Variants in EFNA5 observed in about 807,000 individuals in gnomAD.
EFNA5 encodes the protein ephrin-A5.
Under a neutral mutation model 22.9 loss-of-function variants are expected in EFNA5, and 5 were observed. The ratio of observed to expected loss-of-function variants is 0.22; its 90% CI spans 0.11 to 0.46. The LOEUF (loss-of-function observed/expected upper bound fraction) is 0.46. Among genes scored for constraint, EFNA5 ranks in the 20% least tolerant of loss-of-function variants. EFNA5 has a pLI of 0.99. For synonymous variants in EFNA5, 113 were observed against 112.2 expected (o/e 1.01, Z -0.04); for missense variants, 237 against 293.3 (o/e 0.81, Z 1.40).
intron 1 of EFNA5, among the ~76,000 whole-genome samples, chr5:107,440,285 C>T (rs1438837011): frequency 6.6e-6 from 1 of 152,138 alleles, no homozygotes; most frequent in Non-Finnish European, 1.5e-5. Flanking sequence ...TCAAGTACTA[C>T]AATATTTCTA....
intron 1 of EFNA5, among the ~76,000 whole-genome samples, chr5:107,653,592 T>A (rs1750774983): frequency 6.6e-6 from 1 of 151,764 alleles, no homozygotes; most frequent in Admixed American, 6.6e-5. Flanking sequence ...ACAGGGGGAG[T>A]CCCCAGAGGT....
At chr5:107,414,902 A>G (rs1413229519) in intron 2 of EFNA5, among the ~76,000 whole-genome samples, 1 of 152,172 alleles carries the variant, frequency 6.6e-6, no homozygotes, top group Non-Finnish European at 1.5e-5. Flanking sequence ...ACTCAAGTAA[A>G]GGATATTAAT....
intron 1 of EFNA5, among the ~76,000 whole-genome samples, chr5:107,542,192 A>G (rs1262304221): frequency 6.6e-6 from 1 of 152,192 alleles, no homozygotes; most frequent in Non-Finnish European, 1.5e-5. Context: ...TCTAATTTTA[A>G]AGTTCTCAGG....
rs113717483 is a variant in EFNA5, at chr5:107,509,317, CT to C, written c.126-81809del. Among the ~76,000 whole-genome samples, 287 of 143,656 alleles carry C rather than the reference CT, an allele frequency of 2.0e-3. 2 individuals are homozygous for C. The highest frequency in any genetic ancestry group is 7.0e-3 in the Middle Eastern group (2 of 284). 94.2% of individuals were successfully genotyped at this position (143,656 alleles called of 152,430 possible). ...GTGAGTGTCAACTCTTTTTCTTTTC[CT>C]TTTTTTTTTTTGTTTTCTGAGGTGG... On this transcript the variant is annotated intron_variant, in intron 1 of 4. Coordinates refer to ENST00000333274, the MANE Select transcript of EFNA5 (RefSeq NM_001962.3).
intron 1 of EFNA5, among the ~76,000 whole-genome samples, chr5:107,640,985 T>TAGAC (rs1263792111): frequency 7.8e-6 from 1 of 127,872 alleles, no homozygotes; most frequent in Non-Finnish European, 1.7e-5. Flanking sequence ...GGTAGATAGA[T>TAGAC]AGATAGATAG....
chr5:107,432,536 C>A (rs902161089), intron 1 of EFNA5, among the ~76,000 whole-genome samples: 1 of 152,126 alleles, frequency 6.6e-6, no homozygotes, highest in Non-Finnish European at 1.5e-5. Flanking sequence ...GGCTGTACAC[C>A]AAGCCAGCAA....
At chr5:107,430,483 T>A (rs993923008) in intron 1 of EFNA5, among the ~76,000 whole-genome samples, 5 of 152,254 alleles carry the variant, frequency 3.3e-5, no homozygotes, top group Admixed American at 3.3e-4. Context: ...AAACTGCCAT[T>A]GTCTGGACCC....
chr5:107,409,786 C>T (rs1056776097), intron 2 of EFNA5, among the ~76,000 whole-genome samples: 1 of 152,144 alleles, frequency 6.6e-6, no homozygotes, highest in African/African-American at 2.4e-5. Flanking sequence ...GAGCCTATCA[C>T]ATGAACAGAA....
intron 1 of EFNA5, among the ~76,000 whole-genome samples, chr5:107,623,702 A>C (rs1465849670): frequency 2.0e-5 from 3 of 148,402 alleles, no homozygotes; most frequent in Non-Finnish European, 1.5e-5. Flanking sequence ...GAGGAGGGGG[A>C]GATTCAAAAA....
At chr5:107,605,702 G>A (rs1253442269) in intron 1 of EFNA5, among the ~76,000 whole-genome samples, 1 of 152,008 alleles carries the variant, frequency 6.6e-6, no homozygotes, top group East Asian at 1.9e-4. Flanking sequence ...GGCTTTGACT[G>A]AGAATTAAAG....
intron 1 of EFNA5, among the ~76,000 whole-genome samples, chr5:107,602,108 T>C (rs2112513057): frequency 6.6e-6 from 1 of 152,320 alleles, no homozygotes; most frequent in Non-Finnish European, 1.5e-5. Flanking sequence ...GGAATGGTGA[T>C]TTATGATCAC....
Position 107,632,464 on chromosome 5 carries a change from C to T in EFNA5, c.125+38025G>A, listed in dbSNP as rs117411532. The stretch of plus-strand genomic sequence containing the variant: ...ACCTTTCATCATTCTCTTTACTATA[C>T]CTCCAATCCCCCATCTTGTCAACTA... On this transcript the variant is annotated intron_variant, in intron 1 of 4. Transcript: ENST00000333274. Among the ~76,000 whole-genome samples the T allele has an allele frequency of 2.0e-4, 30 of 152,248 alleles. 1 individual carries two copies. The East Asian group carries it at 3.9e-3, about 20-fold the overall frequency.
chr5:107,556,181 G>A (rs116739613), intron 1 of EFNA5, among the ~76,000 whole-genome samples: 1,954 of 152,240 alleles, frequency 0.013, 37 homozygotes, highest in African/African-American at 0.044. Flanking sequence ...TCCAGACCTG[G>A]CACTCACAGT....
At chr5:107,392,073 A>G (rs1399500275) in intron 2 of EFNA5, among the ~76,000 whole-genome samples, 1 of 152,210 alleles carries the variant, frequency 6.6e-6, no homozygotes, top group Non-Finnish European at 1.5e-5. Context: ...CAATGCAAAT[A>G]TATGTAACAT....
chr5:107,403,704 T>C (rs185020890), intron 2 of EFNA5, among the ~76,000 whole-genome samples: 8 of 152,330 alleles, frequency 5.3e-5, no homozygotes, highest in Admixed American at 3.9e-4. Flanking sequence ...AAATATCCCA[T>C]ATTCAGTTCT....
At chr5:107,557,783 G>A (rs151045247) in intron 1 of EFNA5, among the ~76,000 whole-genome samples, 1 of 152,314 alleles carries the variant, frequency 6.6e-6, no homozygotes, top group African/African-American at 2.4e-5. Context: ...ACCATTACAT[G>A]TGTTTAGAAG....
In EFNA5 at chr5:107,387,699, A is replaced by G. The variant is rs753693853; in HGVS notation, c.484+7T>C. On this transcript the variant is annotated splice_region_variant and intron_variant, in intron 3 of 4. Coordinates refer to ENST00000333274, the MANE Select transcript of EFNA5 (RefSeq NM_001962.3). The stretch of plus-strand genomic sequence containing the variant: ...CCACCCTCTGAAGCTCATTCTAGTG[A>G]ACTTACTTGTTGGTCTCACAAAGAC... 4 of 1,606,252 alleles carry G rather than the reference A, an allele frequency of 2.5e-6. No individual in the cohort carries two copies. The Admixed American group carries it at 6.7e-5, about 27-fold the overall frequency.
intron 1 of EFNA5, among the ~76,000 whole-genome samples, chr5:107,449,899 A>C (rs1266133321): frequency 6.6e-6 from 1 of 152,210 alleles, no homozygotes; most frequent in Non-Finnish European, 1.5e-5. Flanking sequence ...TCCAGGTCTG[A>C]AATTGTTGAC....
intron 1 of EFNA5, among the ~76,000 whole-genome samples, chr5:107,514,651 T>C (rs1252788347): frequency 1.3e-5 from 2 of 152,138 alleles, no homozygotes; most frequent in Non-Finnish European, 1.5e-5. Context: ...TAACCCTTTT[T>C]ATTGTCAAGC....
Sources: allele counts gnomAD v4.1 joint callset (sites outside exome capture counted in the v4.1 genomes callset), GRCh38; gene constraint gnomAD v4.1.1; transcripts MANE v1.5; gene names NCBI Gene and HGNC (gene_info 2026-07-23, HGNC 2026-07-21).